The following SHROOM4 variants were observed in gnomAD, a reference collection of about 807,000 sequenced individuals.
The protein encoded by SHROOM4 is shroom family member 4.
SHROOM4 carries 17 observed loss-of-function variants against 80.3 expected under a neutral mutation model. That is an observed-to-expected ratio of 0.21 (90% CI 0.14 to 0.32). The LOEUF is 0.32. Among genes scored for constraint, SHROOM4 ranks in the 10% least tolerant of loss-of-function variants. SHROOM4 has a pLI of 1.00. For synonymous variants in SHROOM4, 400 were observed against 437.5 expected (o/e 0.91, Z 1.07); for missense variants, 993 against 1,140.3 (o/e 0.87, Z 1.86).
intron 2 of SHROOM4, among the ~76,000 whole-genome samples, chrX:50,681,229 A>T (rs1208932647): frequency 9.0e-6 from 1 of 111,082 alleles, no homozygotes; most frequent in African/African-American, 3.3e-5. Flanking sequence ...GTGATCATCT[A>T]TCAATCCAAA....
At chrX:50,757,717 G>A (rs1210708771) in intron 1 of SHROOM4, among the ~76,000 whole-genome samples, 1 of 109,762 alleles carries the variant, frequency 9.1e-6, no homozygotes, top group Admixed American at 9.7e-5. Context: ...CAGCTACTCG[G>A]GAGGCTGAGG....
intron 2 of SHROOM4, among the ~76,000 whole-genome samples, chrX:50,651,355 GAAAAGAAGAAA>G (rs1557258728): frequency 7.1e-5 from 8 of 111,986 alleles, no homozygotes; most frequent in Non-Finnish European, 1.5e-4. Flanking sequence ...GTCCACCTCA[GAAAAGAAGAAA>G]CTCAGGCTTA....
downstream of SHROOM4, among the ~76,000 whole-genome samples, chrX:50,582,777 A>C (rs1201051314): frequency 1.8e-5 from 2 of 111,741 alleles, no homozygotes; most frequent in East Asian, 5.6e-4. Context: ...TATAGTTTAA[A>C]ATTATAATAT....
At chrX:50,713,189 C>G (rs1401049202) in intron 1 of SHROOM4, among the ~76,000 whole-genome samples, 3 of 111,502 alleles carry the variant, frequency 2.7e-5, no homozygotes, top group Non-Finnish European at 3.8e-5. Context: ...GGAAATCATG[C>G]ACCCAAAGTG....
chrX:50,762,198 CT>C (rs113570292), intron 1 of SHROOM4, among the ~76,000 whole-genome samples: 6,517 of 111,511 alleles, frequency 0.058, 505 homozygotes, highest in African/African-American at 0.2. Flanking sequence ...TAAAACTATA[CT>C]TATAAAGTTT....
rs1928795905 is a variant in SHROOM4, at chrX:50,588,118, A to G, written c.*8577T>C. On this transcript the variant is annotated 3_prime_UTR_variant, in exon 9 of 9. Transcript: ENST00000376020. ...AGGGGGTGTTTTCTTGGGAGTATAG[A>G]CTAGTCATCTTGCAGGCAGCTAACA... Among the ~76,000 whole-genome samples, 1 of 111,356 alleles carries G rather than the reference A, an allele frequency of 9.0e-6. No homozygotes were observed. Among genetic ancestry groups the G allele is most frequent in the African/African-American group, 3.3e-5 (1 of 30,650 alleles).
intron 6 of SHROOM4, among the ~76,000 whole-genome samples, chrX:50,606,078 C>CTT (rs61169578): frequency 0.014 from 1,383 of 98,859 alleles, 22 homozygotes; most frequent in African/African-American, 0.042. Flanking sequence ...ATGAAGGATT[C>CTT]TTTTTTTTTT....
intron 1 of SHROOM4, among the ~76,000 whole-genome samples, chrX:50,780,917 T>C (rs781830394): frequency 1.8e-5 from 2 of 111,359 alleles, no homozygotes; most frequent in Non-Finnish European, 3.8e-5. Flanking sequence ...TTCCATCATA[T>C]GCCCTCTGTA....
At chrX:50,627,314 C>T (rs111946388) in intron 5 of SHROOM4, among the ~76,000 whole-genome samples, 4,557 of 111,181 alleles carry the variant, frequency 0.041, 210 homozygotes, top group African/African-American at 0.14. Flanking sequence ...TATCGGGCAC[C>T]GTACTAGGTA....
intron 1 of SHROOM4, among the ~76,000 whole-genome samples, chrX:50,812,326 A>G (rs1936352954): frequency 9.3e-6 from 1 of 107,334 alleles, no homozygotes; most frequent in African/African-American, 3.4e-5. Context: ...TTAAAAAAAA[A>G]AAAAAAAAAA....
intron 1 of SHROOM4, among the ~76,000 whole-genome samples, chrX:50,790,706 T>C (rs955849291): frequency 1.1e-4 from 12 of 111,921 alleles, no homozygotes; most frequent in African/African-American, 3.9e-4. Flanking sequence ...CACATGATCA[T>C]TTTGAGATAC....
At chrX:50,788,679 A>C (rs1468065907) in intron 1 of SHROOM4, among the ~76,000 whole-genome samples, 1 of 112,019 alleles carries the variant, frequency 8.9e-6, no homozygotes, top group Non-Finnish European at 1.9e-5. Flanking sequence ...CTTCTCTATT[A>C]ATAACTACTT....
intron 1 of SHROOM4, among the ~76,000 whole-genome samples, chrX:50,717,550 G>T (rs1355603020): frequency 8.9e-6 from 1 of 112,316 alleles, no homozygotes; most frequent in African/African-American, 3.2e-5. Context: ...TGCAGCAGAA[G>T]CCAAGCAACC....
chrX:50,624,948 T>C (rs1030551375), intron 5 of SHROOM4, among the ~76,000 whole-genome samples: 2 of 111,664 alleles, frequency 1.8e-5, no homozygotes, highest in Non-Finnish European at 3.8e-5. Flanking sequence ...CAAACTAGAA[T>C]TATCAAAGTA....
intron 1 of SHROOM4, among the ~76,000 whole-genome samples, chrX:50,736,869 A>T (rs1377174697): frequency 8.9e-6 from 1 of 112,260 alleles, no homozygotes; most frequent in Non-Finnish European, 1.9e-5. Context: ...CAACAGTATA[A>T]AAGCAATAAA....
intron 1 of SHROOM4, among the ~76,000 whole-genome samples, chrX:50,740,802 G>C (rs1482144996): frequency 5.4e-5 from 6 of 112,141 alleles, no homozygotes; most frequent in African/African-American, 1.6e-4. Flanking sequence ...TTGAAAACAT[G>C]CAAATATACA....
chrX:50,678,328 T>A (rs1028762255), intron 2 of SHROOM4, among the ~76,000 whole-genome samples: 2 of 111,444 alleles, frequency 1.8e-5, no homozygotes, highest in African/African-American at 6.5e-5. Context: ...TGTATTTATA[T>A]CCTTCAAATA....
chrX:50,665,322 T>C (rs1557260267), intron 2 of SHROOM4, among the ~76,000 whole-genome samples: 1 of 111,323 alleles, frequency 9.0e-6, no homozygotes, highest in East Asian at 2.8e-4. Context: ...AGTTAAAGCC[T>C]GGGTAACTTA....
chrX:50,661,311 A>C (rs12011595), intron 2 of SHROOM4, among the ~76,000 whole-genome samples: 6,388 of 110,872 alleles, frequency 0.058, 475 homozygotes, highest in African/African-American at 0.2. Flanking sequence ...CTCTGCCTCC[A>C]GGATTCAAGT....
Sources: gnomAD v4.1 joint callset for allele counts (sites outside exome capture counted in the v4.1 genomes callset) on GRCh38, gnomAD v4.1.1 for gene constraint, MANE v1.5 for transcripts, NCBI Gene and HGNC (gene_info 2026-07-23, HGNC 2026-07-21) for gene names.